The following FARS2 variants were observed in gnomAD, a reference collection of about 807,000 sequenced individuals.
FARS2 encodes phenylalanine--tRNA ligase, mitochondrial.
Under a neutral mutation model 46.4 loss-of-function variants are expected in FARS2, and 40 were observed. The ratio of observed to expected loss-of-function variants is 0.86; its 90% confidence interval spans 0.67 to 1.12. The LOEUF is 1.12. FARS2 is among the 50% of genes most tolerant of loss of function. The probability of loss-of-function intolerance (pLI) is 0.00; values close to 1 mark genes in which losing one functional copy is unlikely to be tolerated. For synonymous variants in FARS2, 234 were observed against 214.9 expected (o/e 1.09, Z -0.78); for missense variants, 513 against 567.9 (o/e 0.90, Z 0.98).
intron 4 of FARS2, among the ~76,000 whole-genome samples, chr6:5,454,777 T>C (rs1010166068): frequency 1.3e-5 from 2 of 152,224 alleles, no homozygotes; most frequent in African/African-American, 4.8e-5. Context: ...CAATGCCTAC[T>C]CTGCTTTGCT....
chr6:5,455,345 G>T (rs1166996238), intron 4 of FARS2, among the ~76,000 whole-genome samples: 3 of 152,146 alleles, frequency 2.0e-5, no homozygotes, highest in Non-Finnish European at 2.9e-5. Flanking sequence ...TGAAGCTTGG[G>T]TATGTGTTAG....
rs189350834 is a variant in FARS2 at position 5,289,644 on chromosome 6, T to C, written c.-22+27984T>C. Among the ~76,000 whole-genome samples, 25 of 152,354 alleles carry C rather than the reference T, an allele frequency of 1.6e-4. No individual in the cohort carries two copies. The East Asian group carries it at 1.9e-3, about 12-fold the overall frequency. ...AAGACTTGGCCTGTGACCAGTCTGA[T>C]TGGTTGCAGGAGGGGACTAATCAGA... On this transcript the variant is annotated intron_variant, in intron 1 of 6. Transcript: ENST00000274680.
At chr6:5,414,838 C>G (rs1461729605) in intron 3 of FARS2, among the ~76,000 whole-genome samples, 2 of 105,212 alleles carry the variant, frequency 1.9e-5, no homozygotes, top group African/African-American at 7.3e-5. Flanking sequence ...TTTTTTGAGA[C>G]AGAGTCTCAC....
chr6:5,413,861 C>T lies in FARS2; in HGVS notation c.772+9160C>T, dbSNP rs559674595. On this transcript the variant is annotated intron_variant, in intron 3 of 6. Transcript: ENST00000274680. The stretch of plus-strand genomic sequence containing the variant: ...TATTCCACACCATTTTTTCAGTCTC[C>T]ATTTTTCTATTCTTTGTCAGAGGAT... 2.6e-5 allele frequency among the ~76,000 whole-genome samples: 4 copies of T among 152,078 alleles called. No homozygotes were observed. In the East Asian group the frequency reaches 5.8e-4, roughly 22 times the overall value.
chr6:5,643,286 G>A (rs980672841), intron 6 of FARS2, among the ~76,000 whole-genome samples: 4 of 152,128 alleles, frequency 2.6e-5, no homozygotes, highest in Non-Finnish European at 4.4e-5. Flanking sequence ...CTGTGAAAAC[G>A]ATTTCTAATC....
At chr6:5,313,264 A>G (rs1581755605) in intron 1 of FARS2, among the ~76,000 whole-genome samples, 1 of 152,290 alleles carries the variant, frequency 6.6e-6, no homozygotes, top group Non-Finnish European at 1.5e-5. Context: ...TGCAGATCTC[A>G]GGTTGTCTGT....
intron 6 of FARS2, among the ~76,000 whole-genome samples, chr6:5,757,667 G>A (rs1442886011): frequency 6.6e-6 from 1 of 152,186 alleles, no homozygotes; most frequent in Non-Finnish European, 1.5e-5. Flanking sequence ...TAGCTTTGGA[G>A]GCAGTTGCAT....
chr6:5,425,870 G>T lies in FARS2; in HGVS notation c.773-5171G>T, dbSNP rs778165063. Among the ~76,000 whole-genome samples, 76 of 152,212 alleles carry T rather than the reference G, an allele frequency of 5.0e-4. 1 individual carries two copies. The highest frequency in any genetic ancestry group is 2.3e-3 in the South Asian group (11 of 4,814). On this transcript the variant is annotated intron_variant, in intron 3 of 6. Transcript: ENST00000274680. ...GATTGCTGCCTCTTGAGAAAACCTG[G>T]GCTCCCACAGGGTCTTTTCTTGAAA...
At chr6:5,402,880 G>C (rs761366139) in intron 2 of FARS2, among the ~76,000 whole-genome samples, 2 of 151,948 alleles carry the variant, frequency 1.3e-5, no homozygotes, top group African/African-American at 4.8e-5. Flanking sequence ...ACACTTTCTG[G>C]GTTTCTAAGG....
intron 2 of FARS2, among the ~76,000 whole-genome samples, chr6:5,401,311 T>C (rs1190882682): frequency 6.6e-6 from 1 of 152,148 alleles, no homozygotes; most frequent in Non-Finnish European, 1.5e-5. Context: ...TATATTTTTG[T>C]TTTAATGGTT....
In FARS2 at chr6:5,394,092, CAA is replaced by C. The variant is rs1287521593; in HGVS notation, c.613-10448_613-10447del. ...GGTAACTACATAATGACATTACTGT[CAA>C]AGAGGGGACTATTTAAGCTTCAGAA... On this transcript the variant is annotated intron_variant, in intron 2 of 6. Transcript: ENST00000274680. Among the ~76,000 whole-genome samples the C allele has an allele frequency of 7.2e-5, 11 of 152,222 alleles. No individual in the cohort carries two copies. The South Asian group carries it at 2.3e-3, about 32-fold the overall frequency.
At chr6:5,542,555 A>G (rs1770701322) in intron 4 of FARS2, among the ~76,000 whole-genome samples, 2 of 152,158 alleles carry the variant, frequency 1.3e-5, no homozygotes, top group African/African-American at 2.4e-5. Context: ...CTTTAGCAAC[A>G]TCTTTGGCCT....
At position 5,399,828 on chromosome 6, in the gene FARS2, A is replaced by G. The variant is rs76817358; in HGVS notation, c.613-4714A>G. 5.6e-3 allele frequency among the ~76,000 whole-genome samples: 846 copies of G among 152,324 alleles called. 6 individuals are homozygous for G. The highest frequency in any genetic ancestry group is 0.019 in the African/African-American group (799 of 41,580). ...TTCCTCGTTCTTTATTACACCTGCAAAAGTACTCTATTGTATAGGTAGACC... is the reference window on the plus strand; with the variant it reads ...TTCCTCGTTCTTTATTACACCTGCAGAAGTACTCTATTGTATAGGTAGACC... On this transcript the variant is annotated intron_variant, in intron 2 of 6. Coordinates refer to ENST00000274680, the MANE Select transcript of FARS2 (RefSeq NM_006567.5).
chr6:5,467,833 A>G (rs973363000), intron 4 of FARS2, among the ~76,000 whole-genome samples: 6 of 152,204 alleles, frequency 3.9e-5, no homozygotes, highest in Non-Finnish European at 7.3e-5. Flanking sequence ...ATGATTCTAG[A>G]TATACATTTT....
At chr6:5,497,476 A>G (rs1767541011) in intron 4 of FARS2, among the ~76,000 whole-genome samples, 1 of 152,220 alleles carries the variant, frequency 6.6e-6, no homozygotes. Flanking sequence ...ACCTACAATG[A>G]TTGGCTGTCA....
chr6:5,267,467 C>T lies in FARS2; in HGVS notation c.-22+5807C>T, dbSNP rs576475569. Among the ~76,000 whole-genome samples the T allele has an allele frequency of 2.6e-5, 4 of 151,984 alleles. No individual in the cohort carries two copies. The South Asian group carries it at 6.2e-4, about 24-fold the overall frequency. On this transcript the variant is annotated intron_variant, in intron 1 of 6. Coordinates refer to ENST00000274680, the MANE Select transcript of FARS2 (RefSeq NM_006567.5). ...GAGCTTTGCCATGAAAAGAACAGTC[C>T]AGGCCAGGCGTGGTGGCTCACACCT...
intron 1 of FARS2, among the ~76,000 whole-genome samples, chr6:5,262,152 T>C (rs1391079530): frequency 6.6e-6 from 1 of 152,260 alleles, no homozygotes; most frequent in East Asian, 1.9e-4. Context: ...CAACTTTGCA[T>C]TAAAATCCAT....
At chr6:5,586,834 A>T (rs1385564670) in intron 5 of FARS2, among the ~76,000 whole-genome samples, 3 of 152,128 alleles carry the variant, frequency 2.0e-5, no homozygotes, top group African/African-American at 7.2e-5. Context: ...GACTGTTGAC[A>T]CTTAGGATTG....
chr6:5,756,892 T>C (rs759375085), intron 6 of FARS2, among the ~76,000 whole-genome samples: 2 of 152,186 alleles, frequency 1.3e-5, no homozygotes, highest in Non-Finnish European at 2.9e-5. Flanking sequence ...AACACACACT[T>C]TACCCAACCT....
Sources: gnomAD v4.1 joint callset for allele counts (sites outside exome capture counted in the v4.1 genomes callset) on GRCh38, gnomAD v4.1.1 for gene constraint, MANE v1.5 for transcripts, NCBI Gene and HGNC (gene_info 2026-07-23, HGNC 2026-07-21) for gene names.